ACCSL: variants seen among roughly 807,000 people sequenced by gnomAD.
ACCSL encodes probable inactive 1-aminocyclopropane-1-carboxylate synthase-like protein 2.
Under a neutral mutation model 61.7 loss-of-function variants are expected in ACCSL, and 55 were observed. That is an observed-to-expected ratio of 0.89 (90% CI 0.72 to 1.12). ACCSL has a LOEUF of 1.12. Among genes scored for constraint, ACCSL ranks in the 50% most tolerant of loss-of-function variants. ACCSL has a pLI of 0.00. For missense variants in ACCSL, 632 were observed against 698.0 expected, an observed-to-expected ratio of 0.91 and a Z score of 1.07; for synonymous variants, 258 against 264.3, an observed-to-expected ratio of 0.98 and a Z score of 0.23.
the ACCSL span, among the ~76,000 whole-genome samples, chr11:43,941,273 T>C: frequency 6.6e-6 from 1 of 152,204 alleles, no homozygotes; most frequent in Admixed American, 6.5e-5. Context: ...CATGTTCTTC[T>C]TCGTGTGTGT....
chr11:43,934,332 C>T, the ACCSL span, among the ~76,000 whole-genome samples: 80 of 152,264 alleles, frequency 5.3e-4, no homozygotes, highest in African/African-American at 1.8e-3. Flanking sequence ...GGGTGGAGTG[C>T]GCACCAGTGG....
the ACCSL span, among the ~76,000 whole-genome samples, chr11:43,959,827 G>A: frequency 6.6e-6 from 1 of 152,166 alleles, no homozygotes; most frequent in Admixed American, 6.5e-5. Flanking sequence ...TGAGACCACA[G>A]CACCCCCACC....
the ACCSL span, among the ~76,000 whole-genome samples, chr11:43,932,522 G>C: frequency 1.3e-5 from 2 of 152,164 alleles, no homozygotes; most frequent in Non-Finnish European, 2.9e-5. Flanking sequence ...GCCTGCCTTG[G>C]CCTTTCAAAG....
chr11:44,036,490 C>A, the ACCSL span, among the ~76,000 whole-genome samples: 1 of 152,124 alleles, frequency 6.6e-6, no homozygotes, highest in Non-Finnish European at 1.5e-5. Context: ...TTACAGATTC[C>A]CAGGTTCTAT....
At chr11:43,986,866 C>T in the ACCSL span, among the ~76,000 whole-genome samples, 1 of 152,148 alleles carries the variant, frequency 6.6e-6, no homozygotes, top group Non-Finnish European at 1.5e-5. Context: ...GTATGAGACA[C>T]CCCAATAAAC....
the ACCSL span, among the ~76,000 whole-genome samples, chr11:43,977,962 C>T: frequency 2.6e-5 from 4 of 151,322 alleles, no homozygotes; most frequent in Non-Finnish European, 5.9e-5. Context: ...CAAGTGTTAC[C>T]GGATGGGAAG....
At chr11:43,957,926 C>T in the ACCSL span, among the ~76,000 whole-genome samples, 1 of 152,188 alleles carries the variant, frequency 6.6e-6, no homozygotes, top group African/African-American at 2.4e-5. Context: ...CCAGTGGAAA[C>T]TGCCTTTGCA....
At chr11:43,966,066 A>G in the ACCSL span, among the ~76,000 whole-genome samples, 1 of 150,156 alleles carries the variant, frequency 6.7e-6, no homozygotes, top group Non-Finnish European at 1.5e-5. Flanking sequence ...TTTCTTAGAT[A>G]TAACAACAAA....
chr11:43,981,577 T>C, the ACCSL span, among the ~76,000 whole-genome samples: 3 of 152,270 alleles, frequency 2.0e-5, no homozygotes, highest in African/African-American at 4.8e-5. Flanking sequence ...ATCCTAATTA[T>C]GGCTGCTCCT....
At chr11:43,934,903 T>C in the ACCSL span, among the ~76,000 whole-genome samples, 1 of 152,310 alleles carries the variant, frequency 6.6e-6, no homozygotes, top group South Asian at 2.1e-4. Flanking sequence ...TGGTTGCTTT[T>C]TTAAAATCCC....
chr11:43,970,767 C>T, the ACCSL span, among the ~76,000 whole-genome samples: 10 of 151,924 alleles, frequency 6.6e-5, no homozygotes, highest in Admixed American at 1.3e-4. Flanking sequence ...TTATGTAACA[C>T]CTTATAATTA....
At chr11:43,954,410 G>A in the ACCSL span, among the ~76,000 whole-genome samples, 1 of 152,060 alleles carries the variant, frequency 6.6e-6, no homozygotes, top group East Asian at 1.9e-4. Context: ...TGGGGGCGGG[G>A]TTATAGATGA....
chr11:44,021,817 GT>G, the ACCSL span, among the ~76,000 whole-genome samples: 1 of 152,108 alleles, frequency 6.6e-6, no homozygotes, highest in Admixed American at 6.5e-5. Flanking sequence ...TGAGGATCCA[GT>G]TTCATTTGTC....
At chr11:44,002,657 G>T in the ACCSL span, among the ~76,000 whole-genome samples, 1 of 152,082 alleles carries the variant, frequency 6.6e-6, no homozygotes, top group Admixed American at 6.5e-5. Flanking sequence ...GGCCCTAGTT[G>T]GCATCTGGAA....
chr11:43,926,231 T>C, the ACCSL span, among the ~76,000 whole-genome samples: 28 of 152,296 alleles, frequency 1.8e-4, no homozygotes, highest in Non-Finnish European at 2.1e-4. Flanking sequence ...TGGCCTTGCG[T>C]TGATGCTCTG....
chr11:44,007,552 T>A, the ACCSL span, among the ~76,000 whole-genome samples: 2 of 151,954 alleles, frequency 1.3e-5, no homozygotes, highest in Non-Finnish European at 2.9e-5. Flanking sequence ...TCAAACCACA[T>A]CCCTGTTGTC....
At chr11:43,961,365 A>AT in the ACCSL span, among the ~76,000 whole-genome samples, 1 of 151,862 alleles carries the variant, frequency 6.6e-6, no homozygotes, top group Non-Finnish European at 1.5e-5. Flanking sequence ...CTCTTCTCCT[A>AT]TTTTTCCCGG....
chr11:44,059,495 GT>G (rs1952694167), intron 13 of ACCSL, among the ~76,000 whole-genome samples: 4 of 152,198 alleles, frequency 2.6e-5, no homozygotes, highest in Admixed American at 2.6e-4. Context: ...TCTCATGAAG[GT>G]TTTTGTTACA....
chr11:44,002,554 T>C, the ACCSL span, among the ~76,000 whole-genome samples: 116 of 152,252 alleles, frequency 7.6e-4, no homozygotes, highest in African/African-American at 2.5e-3. Flanking sequence ...CACCACTCAC[T>C]TCCCCAAGAG....
Sources: allele counts gnomAD v4.1 joint callset (sites outside exome capture counted in the v4.1 genomes callset), GRCh38; gene constraint gnomAD v4.1.1; transcripts MANE v1.5; gene names NCBI Gene and HGNC (gene_info 2026-07-23, HGNC 2026-07-21).